The following SBF2 variants were observed in gnomAD, a reference collection of about 807,000 sequenced individuals.
SBF2 encodes SET binding factor 2.
In SBF2, 112 loss-of-function variants were observed where a neutral mutation model predicts 225.2. The ratio of observed to expected loss-of-function variants is 0.50; its 90% CI spans 0.43 to 0.58. SBF2 has a LOEUF of 0.58. Among genes scored for constraint, SBF2 ranks in the 20% least tolerant of loss-of-function variants. The pLI is 0.00. For missense variants in SBF2, 1,996 were observed against 2,206.2 expected, an observed-to-expected ratio of 0.90 and a Z score of 1.91; for synonymous variants, 763 against 773.3, an observed-to-expected ratio of 0.99 and a Z score of 0.22.
At position 10,049,300 on chromosome 11, in the gene SBF2, T is replaced by TA. The variant is rs200498226; in HGVS notation, c.142-6320dup. Among the ~76,000 whole-genome samples the TA allele has an allele frequency of 4.4e-4, 67 of 152,118 alleles. 1 individual carries two copies. The East Asian group carries it at 9.8e-3, about 22-fold the overall frequency. On this transcript the variant is annotated intron_variant, in intron 2 of 39. Coordinates refer to ENST00000256190, the MANE Select transcript of SBF2 (RefSeq NM_030962.4). Reference sequence around the variant, plus strand: ...TTTGTTATTTAAAAGTGGGTAAATTTAAAAAAAAATTTTATTTTAGTTGTG... The same window carrying TA: ...TTTGTTATTTAAAAGTGGGTAAATTTAAAAAAAAAATTTTATTTTAGTTGTG...
chr11:10,125,788 T>C (rs911087724), intron 2 of SBF2, among the ~76,000 whole-genome samples: 2 of 152,238 alleles, frequency 1.3e-5, no homozygotes, highest in African/African-American at 4.8e-5. Flanking sequence ...GACTCTTTAA[T>C]TGTCCTCCTC....
chr11:10,032,831 T>A (rs1454250585), intron 3 of SBF2, among the ~76,000 whole-genome samples: 1 of 152,254 alleles, frequency 6.6e-6, no homozygotes, highest in Non-Finnish European at 1.5e-5. Context: ...ATTGCATACA[T>A]GCATGAATAC....
chr11:10,006,661 A>C (rs1219761833), intron 6 of SBF2, among the ~76,000 whole-genome samples: 2 of 152,150 alleles, frequency 1.3e-5, no homozygotes, highest in African/African-American at 4.8e-5. Flanking sequence ...CTCAAATCCA[A>C]GGGATGCTGT....
At chr11:10,079,597 C>G (rs1951277452) in intron 2 of SBF2, among the ~76,000 whole-genome samples, 1 of 152,034 alleles carries the variant, frequency 6.6e-6, no homozygotes, top group Non-Finnish European at 1.5e-5. Flanking sequence ...AAGTATGGAA[C>G]TATAAAAACA....
intron 1 of SBF2, among the ~76,000 whole-genome samples, chr11:10,286,166 G>GCGCACACACACACACACACA (rs373771420): frequency 6.8e-6 from 1 of 147,238 alleles, no homozygotes; most frequent in South Asian, 2.2e-4. Context: ...ACACGCACAC[G>GCGCACACACACACACACACA]CACACACACA....
At chr11:10,182,771 T>C (rs1383215818) in intron 2 of SBF2, among the ~76,000 whole-genome samples, 1 of 151,940 alleles carries the variant, frequency 6.6e-6, no homozygotes, top group East Asian at 1.9e-4. Flanking sequence ...TGTTTGTTTG[T>C]TGTTTTTTAA....
At chr11:10,016,416 C>T (rs1948655013) in intron 6 of SBF2, 1 of 152,010 alleles carries the variant, frequency 6.6e-6, no homozygotes, top group African/African-American at 2.4e-5. Flanking sequence ...TTTACCCAAG[C>T]CTAATTGAAA....
intron 16 of SBF2, among the ~76,000 whole-genome samples, chr11:9,939,442 G>A (rs945421109): frequency 2.6e-5 from 4 of 152,132 alleles, no homozygotes; most frequent in Admixed American, 6.6e-5. Flanking sequence ...ATACTGCAGG[G>A]ACTACAAATT....
intron 2 of SBF2, among the ~76,000 whole-genome samples, chr11:10,129,323 C>T (rs1299992002): frequency 2.9e-5 from 4 of 138,572 alleles, no homozygotes; most frequent in African/African-American, 2.6e-5. Context: ...AGGCTGGTCT[C>T]GAACTCCTGA....
At chr11:9,790,750 T>A in intron 33 of SBF2, 67 bp from the exon 34 acceptor site, 1 of 1,220,658 alleles carries the variant, frequency 8.2e-7, no homozygotes, top group African/African-American at 1.5e-5. Context: ...AAACGTATGA[T>A]GCATGCAGCA....
rs781411988 is a variant in SBF2, at chr11:9,852,660, T to C, written c.2610+16A>G. On this transcript the variant is annotated intron_variant, in intron 21 of 39. Transcript: ENST00000256190. ...GAAGAGAGGCTATACCCTGAAAGCA[T>C]GTAGTCTGGAATTACCTTCTGAATA... 1.9e-6 allele frequency: 3 copies of C among 1,589,014 alleles called. No individual in the cohort carries two copies. Among genetic ancestry groups the C allele is most frequent in the Admixed American group, 1.7e-5 (1 of 59,984 alleles).
intron 6 of SBF2, among the ~76,000 whole-genome samples, chr11:10,020,378 A>G (rs1948805015): frequency 6.6e-6 from 1 of 152,162 alleles, no homozygotes; most frequent in Admixed American, 6.5e-5. Flanking sequence ...CTAGCAGGCC[A>G]CTGTGTATGC....
chr11:10,237,201 GCT>G (rs1959106829), intron 1 of SBF2, among the ~76,000 whole-genome samples: 1 of 152,142 alleles, frequency 6.6e-6, no homozygotes, highest in South Asian at 2.1e-4. Flanking sequence ...ACAAAAATTA[GCT>G]GGGTGTGGTG....
At chr11:10,232,457 A>G (rs2083714) in intron 1 of SBF2, among the ~76,000 whole-genome samples, 60,849 of 152,100 alleles carry the variant, frequency 0.4, 13,259 homozygotes, top group Non-Finnish European at 0.49. Flanking sequence ...TCCACCCCTC[A>G]GTACACATGT....
chr11:10,250,782 G>A (rs1038712472), intron 1 of SBF2, among the ~76,000 whole-genome samples: 2 of 152,146 alleles, frequency 1.3e-5, no homozygotes, highest in African/African-American at 4.8e-5. Flanking sequence ...GACTGCCCTT[G>A]CCATTCACAC....
intron 2 of SBF2, among the ~76,000 whole-genome samples, chr11:10,112,516 A>C (rs569752346): frequency 9.1e-4 from 139 of 152,218 alleles, no homozygotes; most frequent in Non-Finnish European, 1.4e-3. Flanking sequence ...TAAGTCCATT[A>C]AACTTCTTTC....
intron 2 of SBF2, among the ~76,000 whole-genome samples, chr11:10,096,345 A>G (rs1344952336): frequency 6.6e-6 from 1 of 151,972 alleles, no homozygotes; most frequent in East Asian, 1.9e-4. Context: ...GATTTAGTAT[A>G]TAACAAAATA....
At chr11:9,780,581 T>C (rs1418511661) in intron 39 of SBF2, 65 bp from the exon 40 acceptor site, 3 of 1,354,674 alleles carry the variant, frequency 2.2e-6, no homozygotes, top group Non-Finnish European at 3.2e-6. Context: ...TTTGGGTAAG[T>C]GGTAAATCAG....
chr11:10,224,907 G>C (rs1222615830), intron 1 of SBF2, among the ~76,000 whole-genome samples: 2 of 152,108 alleles, frequency 1.3e-5, no homozygotes, highest in Non-Finnish European at 2.9e-5. Flanking sequence ...TGATTTACCA[G>C]GATGCCCAAT....
Sources: gnomAD v4.1 joint callset for allele counts (sites outside exome capture counted in the v4.1 genomes callset) on GRCh38, gnomAD v4.1.1 for gene constraint, MANE v1.5 for transcripts, NCBI Gene and HGNC (gene_info 2026-07-23, HGNC 2026-07-21) for gene names.